Variants in TNFRSF19 observed in about 807,000 individuals in gnomAD.
TNFRSF19 encodes tumor necrosis factor receptor superfamily member 19.
A neutral mutation model predicts 46.4 loss-of-function variants in TNFRSF19; 27 were observed. The ratio of observed to expected loss-of-function variants is 0.58; its 90% confidence interval spans 0.43 to 0.80. The LOEUF (loss-of-function observed/expected upper bound fraction) is 0.80. TNFRSF19 is among the 30% of genes least tolerant of loss of function. The probability of loss-of-function intolerance (pLI) is 0.00; values close to 1 mark genes in which losing one functional copy is unlikely to be tolerated. For missense variants in TNFRSF19, 511 were observed against 530.8 expected, an observed-to-expected ratio of 0.96 and a Z score of 0.37; for synonymous variants, 204 against 205.0, an observed-to-expected ratio of 1.00 and a Z score of 0.04.
intron 2 of TNFRSF19, among the ~76,000 whole-genome samples, chr13:23,592,685 C>T (rs1879402000): frequency 6.6e-6 from 1 of 152,166 alleles, no homozygotes; most frequent in Non-Finnish European, 1.5e-5. Flanking sequence ...TTATCATCAT[C>T]ACCAAGGATT....
intron 5 of TNFRSF19, 145 bp from the exon 6 acceptor site, chr13:23,658,905 G>C: frequency 1.0e-6 from 1 of 958,118 alleles, no homozygotes; most frequent in Non-Finnish European, 1.6e-6. Flanking sequence ...TCTGGGTGGA[G>C]GGGGTGCTTG....
rs191931810 is a variant in TNFRSF19 at position 23,590,294 on chromosome 13, G to C, written c.69+42G>C. On this transcript the variant is annotated intron_variant, in intron 2 of 9. Transcript: ENST00000248484. ...TTTCTTTCATAAGAATGTGGTGAAAGAATTCATGTACTAATAAGTAGTAGG... is the reference window on the plus strand; with the variant it reads ...TTTCTTTCATAAGAATGTGGTGAAACAATTCATGTACTAATAAGTAGTAGG... 5.2e-5 allele frequency: 66 copies of C among 1,258,916 alleles called. No homozygotes were observed. In the Admixed American group the frequency reaches 8.8e-4, roughly 17 times the overall value. The allele number at this position is 1,258,916 out of a possible 1,614,324, so 78.0% of individuals were successfully genotyped here.
intron 5 of TNFRSF19, among the ~76,000 whole-genome samples, chr13:23,642,408 A>C (rs1399116097): frequency 3.3e-5 from 5 of 152,210 alleles, no homozygotes; most frequent in African/African-American, 1.2e-4. Flanking sequence ...GTTCCACGCT[A>C]ACCCTTTATG....
At position 23,593,469 on chromosome 13, in the gene TNFRSF19, A is replaced by G. The variant is rs1347772421; in HGVS notation, c.180+14A>G. ...GAGTTGTCTAAGGTATATTGGATAC[A>G]TGGCAAAGTTGTGTATCTGTGTTTG... On this transcript the variant is annotated intron_variant, in intron 3 of 9. Transcript: ENST00000248484. The G allele has an allele frequency of 1.3e-6, 2 of 1,545,820 alleles. No individual in the cohort carries two copies. The highest frequency in any genetic ancestry group is 1.8e-6 in the Non-Finnish European group (2 of 1,131,982).
chr13:23,669,155 T>C (rs1951709881), intron 9 of TNFRSF19, 58 bp downstream of exon 9: 2 of 1,547,176 alleles, frequency 1.3e-6, no homozygotes, highest in Non-Finnish European at 8.7e-7. Context: ...AGATCAGAAC[T>C]CTGTTCCCAG....
chr13:23,655,214 G>A (rs9507136), intron 5 of TNFRSF19, among the ~76,000 whole-genome samples: 39,248 of 151,992 alleles, frequency 0.26, 5,621 homozygotes, highest in Non-Finnish European at 0.33. Context: ...GTAGGATGTC[G>A]TACTCGTAAT....
In TNFRSF19 at chr13:23,593,462, T is replaced by G; in HGVS notation, c.180+7T>G. ...AGGCATGGAGTTGTCTAAGGTATATTGGATACATGGCAAAGTTGTGTATCT... is the reference window on the plus strand; with the variant it reads ...AGGCATGGAGTTGTCTAAGGTATATGGGATACATGGCAAAGTTGTGTATCT... On this transcript the variant is annotated splice_region_variant and intron_variant, in intron 3 of 9. Coordinates refer to ENST00000248484, the MANE Select transcript of TNFRSF19 (RefSeq NM_148957.4). The G allele has an allele frequency of 3.2e-6, 5 of 1,571,882 alleles. No homozygotes were observed. Among genetic ancestry groups the G allele is most frequent in the Non-Finnish European group, 3.5e-6 (4 of 1,153,886 alleles).
intron 5 of TNFRSF19, among the ~76,000 whole-genome samples, chr13:23,643,572 TCC>T (rs34765343): frequency 6.6e-6 from 1 of 152,290 alleles, no homozygotes; most frequent in East Asian, 1.9e-4. Context: ...TATAAACATC[TCC>T]CCCAGTTTCA....
rs747432282 is a variant in TNFRSF19 at position 23,615,939 on chromosome 13, G to A, written c.253G>A (p.Gly85Ser). 1.2e-6 allele frequency: 2 copies of A among 1,614,034 alleles called. No homozygotes were observed. The highest frequency in any genetic ancestry group is 8.5e-7 in the Non-Finnish European group (1 of 1,179,920). ...CRLHRFKEDW[G>S]FQKCKPCLDC... ...GCTGCACAGGTTCAAGGAGGACTGG[G>A]GCTTCCAGAAATGCAAGCCCTGTCT... The change falls in exon 4 of 10, where the codon GGC becomes AGC. Residue 85 changes from glycine to serine, a missense_variant. By Grantham distance (56) the Gly-to-Ser change is moderately conservative. Coordinates refer to ENST00000248484, the MANE Select transcript of TNFRSF19 (RefSeq NM_148957.4).
chr13:23,664,949 G>T (rs1234459348), intron 7 of TNFRSF19, among the ~76,000 whole-genome samples: 1 of 152,138 alleles, frequency 6.6e-6, no homozygotes, highest in Admixed American at 6.5e-5. Context: ...GGTATAGTTG[G>T]GCCATCATTG....
intron 5 of TNFRSF19, among the ~76,000 whole-genome samples, chr13:23,628,664 G>T (rs1164514331): frequency 1.3e-5 from 2 of 152,086 alleles, no homozygotes; most frequent in African/African-American, 4.8e-5. Context: ...TCACAAATTT[G>T]CCTTTGAAGG....
chr13:23,675,179 A>G lies in TNFRSF19; in HGVS notation c.*1799A>G, dbSNP rs1483116094. 1 of 152,254 alleles carries G rather than the reference A, an allele frequency of 6.6e-6. No homozygotes were observed. The highest frequency in any genetic ancestry group is 1.5e-5 in the Non-Finnish European group (1 of 68,040). The allele number at this position is 152,254 out of a possible 1,614,324, so 9.4% of individuals were successfully genotyped here. On this transcript the variant is annotated 3_prime_UTR_variant, in exon 10 of 10. Transcript: ENST00000248484. ...TTTAGGATTTGACCACACAATGGCT[A>G]TGAAAATGCAAGTAGTTTCCTCGCG...
At position 23,584,000 on chromosome 13, in the gene TNFRSF19, G is replaced by A. The variant is rs184324959; in HGVS notation, c.-34-6150G>A. On this transcript the variant is annotated intron_variant, in intron 1 of 9. Transcript: ENST00000248484. Reference sequence around the variant, plus strand: ...CAAAGATGATAAAATGTACAACTTAGAGAAATAAAAAGAATTAGTCTCAGA... The same window carrying A: ...CAAAGATGATAAAATGTACAACTTAAAGAAATAAAAAGAATTAGTCTCAGA... 7.1e-3 allele frequency among the ~76,000 whole-genome samples: 1,084 copies of A among 152,306 alleles called. 13 individuals are homozygous for A. The highest frequency in any genetic ancestry group is 0.024 in the African/African-American group (1,006 of 41,580).
intron 9 of TNFRSF19, among the ~76,000 whole-genome samples, chr13:23,670,596 AG>A (rs1951744564): frequency 6.6e-6 from 1 of 152,230 alleles, no homozygotes; most frequent in Admixed American, 6.5e-5. Flanking sequence ...ATAATAAATA[AG>A]AAAAGACTTA....
At position 23,590,129 on chromosome 13, in the gene TNFRSF19, A is replaced by G. The variant is rs1289784361; in HGVS notation, c.-34-21A>G. ...CACTGATGTTTTTAATATTAACTGC[A>G]TCTTCCTATCTTTTATTTAGAACTC... On this transcript the variant is annotated intron_variant, in intron 1 of 9. Coordinates refer to ENST00000248484, the MANE Select transcript of TNFRSF19 (RefSeq NM_148957.4). 6.5e-6 allele frequency: 8 copies of G among 1,240,028 alleles called. No individual in the cohort carries two copies. The Middle Eastern group carries it at 7.7e-4, about 119-fold the overall frequency. The allele number at this position is 1,240,028 out of a possible 1,614,324, so 76.8% of individuals were successfully genotyped here.
intron 4 of TNFRSF19, among the ~76,000 whole-genome samples, chr13:23,616,902 TTAAA>T (rs1485417322): frequency 1.3e-5 from 2 of 152,174 alleles, no homozygotes; most frequent in African/African-American, 4.8e-5. Context: ...TAAAAAATAT[TTAAA>T]TAGTAAATAA....
chr13:23,635,499 C>T (rs1321185356), intron 5 of TNFRSF19, among the ~76,000 whole-genome samples: 1 of 152,122 alleles, frequency 6.6e-6, no homozygotes, highest in Non-Finnish European at 1.5e-5. Context: ...CTGCCTCAGC[C>T]TCCCAGGTAG....
At chr13:23,663,789 A>C (rs1339350977) in intron 7 of TNFRSF19, among the ~76,000 whole-genome samples, 1 of 152,030 alleles carries the variant, frequency 6.6e-6, no homozygotes, top group Non-Finnish European at 1.5e-5. Context: ...TTTCTAGTTC[A>C]TGTGTATAGA....
intron 3 of TNFRSF19, among the ~76,000 whole-genome samples, chr13:23,613,228 A>G (rs1245515478): frequency 1.3e-5 from 2 of 152,224 alleles, no homozygotes; most frequent in Non-Finnish European, 2.9e-5. Flanking sequence ...TGTTTAGGAA[A>G]TGTGCACTCC....
Sources: gnomAD v4.1 joint callset for allele counts (sites outside exome capture counted in the v4.1 genomes callset) on GRCh38, gnomAD v4.1.1 for gene constraint, MANE v1.5 for transcripts, NCBI Gene and HGNC (gene_info 2026-07-23, HGNC 2026-07-21) for gene names.